Variants in CNTN5 observed in about 807,000 individuals in gnomAD.
CNTN5 encodes the protein contactin-5.
In CNTN5, 77 loss-of-function variants were observed where a neutral mutation model predicts 129.1. The ratio of observed to expected loss-of-function variants is 0.60; its 90% CI spans 0.50 to 0.72. The LOEUF (loss-of-function observed/expected upper bound fraction) is 0.72, where lower values mean the gene tolerates loss of function less well. Ranked by LOEUF, CNTN5 falls within the 30% of genes least tolerant of loss-of-function variation. The pLI is 0.00. For synonymous variants in CNTN5, 509 were observed against 465.6 expected (o/e 1.09, Z -1.20); for missense variants, 1,478 against 1,328.8 (o/e 1.11, Z -1.75).
chr11:99,528,222 T>C (rs935013464), intron 2 of CNTN5, among the ~76,000 whole-genome samples: 2 of 152,196 alleles, frequency 1.3e-5, no homozygotes, highest in Non-Finnish European at 2.9e-5. Flanking sequence ...AGAGGAATTA[T>C]TTGAGAAACA....
intron 1 of CNTN5, among the ~76,000 whole-genome samples, chr11:99,271,342 C>T: frequency 6.6e-6 from 1 of 151,756 alleles, no homozygotes; most frequent in Admixed American, 6.6e-5. Flanking sequence ...AATGCTCATC[C>T]TGGAAACTGT....
intron 8 of CNTN5, among the ~76,000 whole-genome samples, chr11:99,959,692 T>A (rs193163655): frequency 6.6e-6 from 1 of 152,204 alleles, no homozygotes; most frequent in Non-Finnish European, 1.5e-5. Flanking sequence ...AAAGTCATTA[T>A]TTGAGAAGTA....
intron 17 of CNTN5, among the ~76,000 whole-genome samples, chr11:100,263,417 ATTTG>A (rs1288690857): frequency 6.6e-6 from 1 of 152,146 alleles, no homozygotes; most frequent in Non-Finnish European, 1.5e-5. Context: ...GAAGGAGAAA[ATTTG>A]TTTATCTATA....
chr11:100,154,941 T>C (rs1276243082), intron 13 of CNTN5, among the ~76,000 whole-genome samples: 2 of 152,188 alleles, frequency 1.3e-5, no homozygotes, highest in East Asian at 3.8e-4. Flanking sequence ...GATGGGTAGA[T>C]CACAAAAATT....
chr11:99,150,733 T>C (rs1860012440), intron 1 of CNTN5, among the ~76,000 whole-genome samples: 1 of 152,066 alleles, frequency 6.6e-6, no homozygotes, highest in Non-Finnish European at 1.5e-5. Context: ...TTCAATTCTA[T>C]TTTAAAGTTA....
chr11:100,023,354 T>C (rs1941261766), intron 9 of CNTN5, among the ~76,000 whole-genome samples: 1 of 152,182 alleles, frequency 6.6e-6, no homozygotes, highest in Non-Finnish European at 1.5e-5. Flanking sequence ...AGAACTTTAT[T>C]GTTTAGAGCA....
chr11:99,589,547 G>A (rs1949912169), intron 3 of CNTN5, among the ~76,000 whole-genome samples: 1 of 152,102 alleles, frequency 6.6e-6, no homozygotes, highest in Non-Finnish European at 1.5e-5. Flanking sequence ...AGGTGATCTT[G>A]GGAATATGTT....
chr11:99,079,884 G>C (rs1203405022), intron 1 of CNTN5, among the ~76,000 whole-genome samples: 1 of 152,104 alleles, frequency 6.6e-6, no homozygotes, highest in Non-Finnish European at 1.5e-5. Context: ...TGCCACCATT[G>C]CTTCTTGCAC....
chr11:100,037,957 C>G (rs1239305923), intron 9 of CNTN5, among the ~76,000 whole-genome samples: 5 of 151,990 alleles, frequency 3.3e-5, no homozygotes, highest in African/African-American at 1.2e-4. Context: ...GTTTTTGTGT[C>G]TCTATTTCCT....
chr11:99,590,942 TCAAA>T (rs148223372), intron 3 of CNTN5, among the ~76,000 whole-genome samples: 5,785 of 152,244 alleles, frequency 0.038, 352 homozygotes, highest in African/African-American at 0.13. Flanking sequence ...ACATGAAATA[TCAAA>T]CAAAGCATAA....
At chr11:100,098,168 T>G (rs931930794) in intron 13 of CNTN5, among the ~76,000 whole-genome samples, 1 of 151,984 alleles carries the variant, frequency 6.6e-6, no homozygotes, top group Non-Finnish European at 1.5e-5. Flanking sequence ...TTCTGTCCAA[T>G]TACCCAGGGA....
chr11:99,922,716 T>C (rs1384585279), intron 7 of CNTN5, among the ~76,000 whole-genome samples: 1 of 152,246 alleles, frequency 6.6e-6, no homozygotes, highest in Non-Finnish European at 1.5e-5. Flanking sequence ...TTATTATTTT[T>C]ATCTTTCCAA....
intron 2 of CNTN5, among the ~76,000 whole-genome samples, chr11:99,444,974 T>G (rs1173222539): frequency 2.0e-5 from 3 of 150,584 alleles, no homozygotes; most frequent in Non-Finnish European, 4.4e-5. Flanking sequence ...ATTAGTTAAT[T>G]TGCTTTATAG....
intron 3 of CNTN5, among the ~76,000 whole-genome samples, chr11:99,818,262 C>CT (rs71463595): frequency 0.38 from 56,496 of 147,216 alleles, 10,890 homozygotes; most frequent in East Asian, 0.49. Context: ...ACAAAACTAC[C>CT]TTTTTTTTTT....
At chr11:99,875,360 T>C (rs1044308671) in intron 6 of CNTN5, among the ~76,000 whole-genome samples, 3 of 152,192 alleles carry the variant, frequency 2.0e-5, no homozygotes, top group African/African-American at 7.2e-5. Flanking sequence ...CTGTTTATCA[T>C]AACTGGGAAG....
intron 9 of CNTN5, among the ~76,000 whole-genome samples, chr11:100,030,216 A>G (rs200422483): frequency 1.4e-4 from 1 of 7,094 alleles, no homozygotes; most frequent in Non-Finnish European, 2.0e-4. Flanking sequence ...CTCTAAAAAG[A>G]AAAAAAAAAA....
chr11:100,131,109 G>C (rs916762176), intron 13 of CNTN5, among the ~76,000 whole-genome samples: 1 of 137,824 alleles, frequency 7.3e-6, no homozygotes. Flanking sequence ...AATTAAGCAC[G>C]GGAGTTATCT....
At chr11:99,873,242 T>G (rs1591345831) in intron 6 of CNTN5, among the ~76,000 whole-genome samples, 1 of 151,900 alleles carries the variant, frequency 6.6e-6, no homozygotes, top group South Asian at 2.1e-4. Flanking sequence ...TACCCATGAG[T>G]TCATTCCTAA....
chr11:100,189,280 A>C (rs891818308), intron 13 of CNTN5, among the ~76,000 whole-genome samples: 1 of 151,878 alleles, frequency 6.6e-6, no homozygotes, highest in African/African-American at 2.4e-5. Flanking sequence ...AAAAAAAAAA[A>C]AAACCTTGTG....
Sources: gnomAD v4.1 joint callset for allele counts (sites outside exome capture counted in the v4.1 genomes callset) on GRCh38, gnomAD v4.1.1 for gene constraint, MANE v1.5 for transcripts, NCBI Gene and HGNC (gene_info 2026-07-23, HGNC 2026-07-21) for gene names.